ATP8B1: variants seen among roughly 807,000 people sequenced by gnomAD.
The protein encoded by ATP8B1 is phospholipid-transporting ATPase IC.
Under a neutral mutation model 149.9 loss-of-function variants are expected in ATP8B1, and 80 were observed. The ratio of observed to expected loss-of-function variants is 0.53; its 90% CI spans 0.45 to 0.64. The LOEUF is 0.64. Among genes scored for constraint, ATP8B1 ranks in the 30% least tolerant of loss-of-function variants. The pLI, the probability that ATP8B1 is intolerant of heterozygous loss-of-function variation, is 0.00. For synonymous variants in ATP8B1, 536 were observed against 562.8 expected, an observed-to-expected ratio of 0.95 and a Z score of 0.67; for missense variants, 1,247 against 1,552.6, an observed-to-expected ratio of 0.80 and a Z score of 3.31.
intron 22 of ATP8B1, among the ~76,000 whole-genome samples, chr18:57,658,210 C>T (rs999032990): frequency 1.5e-4 from 23 of 152,068 alleles, no homozygotes; most frequent in African/African-American, 5.1e-4. Flanking sequence ...CCCCCATGCC[C>T]GGCTAATTTT....
At chr18:57,701,394 G>C in intron 4 of ATP8B1, 81 bp from the exon 5 acceptor site, 1 of 1,247,452 alleles carries the variant, frequency 8.0e-7, no homozygotes, top group African/African-American at 1.5e-5. Context: ...TTCTAAGCTT[G>C]CTAATTCCAA....
rs59090695 is a variant in ATP8B1, at chr18:57,671,228, A to G, written c.1932+240T>C. ...TAAGCCATTCCCCTGCCTCAGTCCT[A>G]TAGACCTTGAAGACCCACATGCTGG... On this transcript the variant is annotated intron_variant, in intron 17 of 27. Coordinates refer to ENST00000648908, the MANE Select transcript of ATP8B1 (RefSeq NM_001374385.1). Among the ~76,000 whole-genome samples, 12,437 of 152,198 alleles carry G rather than the reference A, an allele frequency of 0.082. 980 individuals carry two copies. The highest frequency in any genetic ancestry group is 0.19 in the African/African-American group (8,087 of 41,498).
Position 57,746,279 on chromosome 18 carries a change from A to C in ATP8B1, c.-25-14447T>G, listed in dbSNP as rs549134028. ...ACATTTCATGCAATTTTTACAGCAC[A>C]CACAAAAGGAAGGGCTTATCCTCAT... On this transcript the variant is annotated intron_variant, in intron 1 of 27. Coordinates refer to ENST00000648908, the MANE Select transcript of ATP8B1 (RefSeq NM_001374385.1). Among the ~76,000 whole-genome samples, 9 of 152,186 alleles carry C rather than the reference A, an allele frequency of 5.9e-5. No individual in the cohort carries two copies. In the South Asian group the frequency reaches 1.9e-3, roughly 32 times the overall value.
chr18:57,705,730 G>T (rs1053303370), intron 3 of ATP8B1, among the ~76,000 whole-genome samples: 1 of 152,196 alleles, frequency 6.6e-6, no homozygotes, highest in Non-Finnish European at 1.5e-5. Context: ...CAAGATTTCA[G>T]ACTTCTGATC....
intron 15 of ATP8B1, among the ~76,000 whole-genome samples, chr18:57,676,431 C>A (rs547994342): frequency 5.7e-4 from 86 of 150,724 alleles, no homozygotes; most frequent in African/African-American, 1.9e-3. Flanking sequence ...GAAAAAAAAA[C>A]CACACAGGCT....
In ATP8B1 at chr18:57,782,803, C is replaced by CTTTTTTTTTTTTTTT. The variant is rs79009229; in HGVS notation, c.-26+20180_-26+20194dup. Among the ~76,000 whole-genome samples, 21 of 91,158 alleles carry CTTTTTTTTTTTTTTT rather than the reference C, an allele frequency of 2.3e-4. 5 individuals are homozygous for CTTTTTTTTTTTTTTT. The highest frequency in any genetic ancestry group is 4.9e-4 in the African/African-American group (10 of 20,506). The allele number at this position is 91,158 out of a possible 152,430, so 59.8% of individuals were successfully genotyped here. A position where few individuals can be genotyped will look rare whatever the true frequency, so the allele number is the denominator to read the frequency against. On this transcript the variant is annotated intron_variant, in intron 1 of 27. Transcript: ENST00000648908. Reference sequence around the variant, plus strand: ...GGCTCAGATTAATTCTAGTTTGTCTCTTTTTTTTTTTTTTTTTTTTTTTTT... The same window carrying CTTTTTTTTTTTTTTT: ...GGCTCAGATTAATTCTAGTTTGTCTCTTTTTTTTTTTTTTTTTTTTTTTTTTTTTTTTTTTTTTTT...
chr18:57,796,695 T>C (rs1289241887), intron 1 of ATP8B1, among the ~76,000 whole-genome samples: 1 of 152,174 alleles, frequency 6.6e-6, no homozygotes, highest in Non-Finnish European at 1.5e-5. Flanking sequence ...TTTGTTTGTT[T>C]GTTTGTTTTT....
intron 1 of ATP8B1, among the ~76,000 whole-genome samples, chr18:57,785,653 G>A (rs1169580864): frequency 3.3e-5 from 5 of 152,058 alleles, no homozygotes; most frequent in African/African-American, 1.2e-4. Flanking sequence ...TTACAGGCGC[G>A]TGCCACCATG....
chr18:57,709,646 C>A (rs1395020093), intron 2 of ATP8B1, among the ~76,000 whole-genome samples: 1 of 151,830 alleles, frequency 6.6e-6, no homozygotes, highest in Non-Finnish European at 1.5e-5. Flanking sequence ...AAGCATCTTG[C>A]CCCATTTTCT....
intron 1 of ATP8B1, among the ~76,000 whole-genome samples, chr18:57,760,482 C>T (rs575769278): frequency 3.0e-4 from 45 of 152,268 alleles, no homozygotes; most frequent in African/African-American, 1.1e-3. Flanking sequence ...GCTCTTCCAC[C>T]TTCCCCAAAC....
intron 17 of ATP8B1, among the ~76,000 whole-genome samples, chr18:57,670,917 C>T (rs1015032829): frequency 2.0e-5 from 3 of 152,120 alleles, no homozygotes; most frequent in African/African-American, 7.2e-5. Context: ...CCACGTTGGC[C>T]AGGCTGGTCT....
intron 1 of ATP8B1, among the ~76,000 whole-genome samples, chr18:57,794,181 C>T (rs1195209383): frequency 1.3e-5 from 2 of 152,054 alleles, no homozygotes; most frequent in East Asian, 1.9e-4. Flanking sequence ...ACTTTAAAAA[C>T]CTGCTTTTTA....
intron 1 of ATP8B1, among the ~76,000 whole-genome samples, chr18:57,763,275 C>T (rs1282473261): frequency 6.6e-6 from 1 of 151,988 alleles, no homozygotes; most frequent in Non-Finnish European, 1.5e-5. Flanking sequence ...GCCTATAATC[C>T]CAGCTACTAG....
At chr18:57,763,036 GT>G (rs1213318402) in intron 1 of ATP8B1, among the ~76,000 whole-genome samples, 1 of 152,116 alleles carries the variant, frequency 6.6e-6, no homozygotes, top group African/African-American at 2.4e-5. Context: ...TTGAACACAC[GT>G]TTTTTGCACT....
In ATP8B1 at chr18:57,725,364, G is replaced by A. The variant is rs1276176874; in HGVS notation, c.181+6263C>T. Among the ~76,000 whole-genome samples the A allele has an allele frequency of 3.9e-5, 6 of 152,148 alleles. No individual in the cohort carries two copies. The East Asian group carries it at 1.2e-3, about 29-fold the overall frequency. ...CTGCAATCAAAACTATAAATTGATTGCAATGATGCAAGAAACTAAAGAGGA... is the reference window on the plus strand; with the variant it reads ...CTGCAATCAAAACTATAAATTGATTACAATGATGCAAGAAACTAAAGAGGA... On this transcript the variant is annotated intron_variant, in intron 2 of 27. Transcript: ENST00000648908.
rs149929779 is a variant in ATP8B1 at position 57,782,223 on chromosome 18, A to G, written c.-26+20775T>C. On this transcript the variant is annotated intron_variant, in intron 1 of 27. Transcript: ENST00000648908. ...TGTCTATAGAATTTGCGAAAATAAG[A>G]TGAAGCAATAGTTTGCCAGCAGCAA... is the stretch of plus-strand genomic sequence containing the variant. Among the ~76,000 whole-genome samples the G allele has an allele frequency of 3.6e-3, 555 of 152,186 alleles. 2 individuals are homozygous for G. The highest frequency in any genetic ancestry group is 0.013 in the African/African-American group (535 of 41,424).
intron 1 of ATP8B1, among the ~76,000 whole-genome samples, chr18:57,754,446 ATAT>A (rs1341608031): frequency 9.7e-5 from 8 of 82,388 alleles, no homozygotes; most frequent in Non-Finnish European, 9.9e-5. Flanking sequence ...TAACAAAAAA[ATAT>A]ATATATATAT....
chr18:57,674,608 G>C (rs889949695), intron 16 of ATP8B1, among the ~76,000 whole-genome samples: 1 of 151,686 alleles, frequency 6.6e-6, no homozygotes, highest in Non-Finnish European at 1.5e-5. Flanking sequence ...GGATGGTCTC[G>C]ATCTCCTGAC....
intron 1 of ATP8B1, chr18:57,740,354 C>A (rs965354349): frequency 2.0e-5 from 3 of 151,716 alleles, no homozygotes; most frequent in African/African-American, 7.3e-5. Flanking sequence ...TTATTAAAGA[C>A]AATGCTGTAA....
Sources: gnomAD v4.1 joint callset for allele counts (sites outside exome capture counted in the v4.1 genomes callset) on GRCh38, gnomAD v4.1.1 for gene constraint, MANE v1.5 for transcripts, NCBI Gene and HGNC (gene_info 2026-07-23, HGNC 2026-07-21) for gene names.